CTBP1: variants seen among roughly 807,000 people sequenced by gnomAD.
CTBP1 encodes the protein C-terminal binding protein 1.
CTBP1 carries 11 observed loss-of-function variants against 42.1 expected under a neutral mutation model. That is an observed-to-expected ratio of 0.26 (90% CI 0.16 to 0.43). The LOEUF (loss-of-function observed/expected upper bound fraction) is 0.43. Ranked by LOEUF, CTBP1 falls within the 20% of genes least tolerant of loss-of-function variation. The pLI is 1.00. For synonymous variants in CTBP1, 324 were observed against 277.1 expected (o/e 1.17, Z -1.68); for missense variants, 399 against 624.3 (o/e 0.64, Z 3.85).
intron 3 of CTBP1, 56 bp from the exon 4 acceptor site, chr4:1,228,399 C>G: frequency 6.3e-7 from 1 of 1,578,360 alleles, no homozygotes; most frequent in Non-Finnish European, 8.6e-7. Flanking sequence ...TCGGGCTTGG[C>G]CTTCGGGGGT....
At chr4:1,217,350 G>T (rs1390946426) in intron 5 of CTBP1, 1 of 152,488 alleles carries the variant, frequency 6.6e-6, no homozygotes, top group Non-Finnish European at 1.5e-5. Context: ...CAGGGACGAG[G>T]CTGCTGCAGG....
intron 1 of CTBP1, 199 bp downstream of exon 1, chr4:1,248,717 C>G (rs111409520): frequency 1.0e-6 from 1 of 981,478 alleles, no homozygotes; most frequent in Non-Finnish European, 1.2e-6. Context: ...ACGCAGCGGC[C>G]CGCGCATGCG....
intron 1 of CTBP1, among the ~76,000 whole-genome samples, chr4:1,248,371 G>T (rs1428841572): frequency 1.3e-5 from 2 of 151,558 alleles, no homozygotes; most frequent in Admixed American, 6.6e-5. Flanking sequence ...CCCGGCACCC[G>T]CGCCCCGTCC....
chr4:1,216,654 G>A, intron 5 of CTBP1: 1 of 226,076 alleles, frequency 4.4e-6, no homozygotes, highest in South Asian at 6.3e-5. Flanking sequence ...AGACGGCAAA[G>A]GGGGCAGGAG....
intron 1 of CTBP1, chr4:1,244,398 G>C: frequency 1.0e-6 from 1 of 984,112 alleles, no homozygotes; most frequent in South Asian, 4.7e-5. Flanking sequence ...ACCAAGATGC[G>C]CCAGGACCAA....
chr4:1,223,075 ACCG>A (rs1469525612), intron 5 of CTBP1, among the ~76,000 whole-genome samples: 5 of 57,160 alleles, frequency 8.7e-5, no homozygotes, highest in African/African-American at 2.0e-4. Flanking sequence ...CAGCGGAGGC[ACCG>A]CCCCCTGGAC....
intron 1 of CTBP1, among the ~76,000 whole-genome samples, chr4:1,246,397 G>A (rs570757432): frequency 2.0e-5 from 3 of 152,292 alleles, no homozygotes; most frequent in Admixed American, 1.3e-4. Flanking sequence ...GGCCTGCACC[G>A]TCAGCACCAC....
intron 4 of CTBP1, among the ~76,000 whole-genome samples, chr4:1,227,806 C>T (rs60447753): frequency 0.011 from 1,745 of 152,310 alleles, 25 homozygotes; most frequent in African/African-American, 0.039. Flanking sequence ...TGAGTGCACA[C>T]GTACTGGGTT....
chr4:1,225,493 G>A lies in CTBP1; in HGVS notation c.381C>T (p.Asn127=), dbSNP rs889585115. 1.3e-6 allele frequency: 2 copies of A among 1,546,232 alleles called. No individual in the cohort carries two copies. Among genetic ancestry groups the A allele is most frequent in the Admixed American group, 3.9e-5 (2 of 51,056 alleles). ...TADSTLCHIL[N]LYRRATWLHQ... is the part of the protein sequence containing the mutation. The stretch of plus-strand genomic sequence containing the variant: ...GCAGCCAGGTGGCCCGCCGGTACAG[G>A]TTCAGGATGTGGCACAGCGTCGAGT... Residue 127 remains asparagine (N), a synonymous_variant, in exon 5 of 10, where the codon AAC becomes AAT. Coordinates refer to ENST00000382952, the MANE Select transcript of CTBP1 (RefSeq NM_001012614.2).
intron 1 of CTBP1, among the ~76,000 whole-genome samples, chr4:1,247,957 G>C (rs1225564361): frequency 6.6e-6 from 1 of 152,236 alleles, no homozygotes; most frequent in Non-Finnish European, 1.5e-5. Context: ...ACAGCAAAAG[G>C]GATCTGGCCC....
At position 1,238,104 on chromosome 4, in the gene CTBP1, C is replaced by A; in HGVS notation, c.162+79G>T. 1 of 1,588,650 alleles carries A rather than the reference C, an allele frequency of 6.3e-7. No individual in the cohort carries two copies. Among genetic ancestry groups the A allele is most frequent in the Non-Finnish European group, 8.6e-7 (1 of 1,161,278 alleles). ...CAGTGGCACCCAGACCTGCTGTGGC[C>A]CGGGCCTGCCGTGCTCCCGTCCCTC... On this transcript the variant is annotated intron_variant, in intron 3 of 9. Transcript: ENST00000382952. The surrounding 1 kb of genome is among the most constrained non-coding windows in gnomAD (Gnocchi z 5.9).
At chr4:1,227,630 T>C (rs1730511147) in intron 4 of CTBP1, among the ~76,000 whole-genome samples, 1 of 149,178 alleles carries the variant, frequency 6.7e-6, no homozygotes, top group African/African-American at 2.5e-5. Flanking sequence ...GTGTGCAAGA[T>C]CCGTGTGCTA....
intron 2 of CTBP1, among the ~76,000 whole-genome samples, chr4:1,240,036 G>A (rs953841054): frequency 6.6e-6 from 1 of 152,234 alleles, no homozygotes; most frequent in African/African-American, 2.4e-5. Context: ...ATAGACATCC[G>A]CTCTCAGTAT....
chr4:1,230,716 C>T (rs1229723369), intron 3 of CTBP1, among the ~76,000 whole-genome samples: 1 of 152,260 alleles, frequency 6.6e-6, no homozygotes, highest in African/African-American at 2.4e-5. Context: ...CGGCACGTCA[C>T]CTCCCGCACA....
chr4:1,212,231 C>T lies in CTBP1; in HGVS notation c.*9G>A. On this transcript the variant is annotated 3_prime_UTR_variant, in exon 10 of 10. Transcript: ENST00000382952. Reference sequence around the variant, plus strand: ...GCCCAGGCGCCGAGGCTGGAGAGCTCCTCCCGGGCTACAACTGGTCACTGG... The same window carrying T: ...GCCCAGGCGCCGAGGCTGGAGAGCTTCTCCCGGGCTACAACTGGTCACTGG... 1 of 1,456,010 alleles carries T rather than the reference C, an allele frequency of 6.9e-7. No individual in the cohort carries two copies. The allele number at this position is 1,456,010 out of a possible 1,614,324, so 90.2% of individuals were successfully genotyped here. A position where few individuals can be genotyped will look rare whatever the true frequency, so the allele number is the denominator to read the frequency against.
rs1398297381 is a variant in CTBP1, at chr4:1,212,713, G to A, written c.1106+200C>T. 22 of 626,948 alleles carry A rather than the reference G, an allele frequency of 3.5e-5. No individual in the cohort carries two copies. The East Asian group carries it at 6.0e-4, about 17-fold the overall frequency. The allele number at this position is 626,948 out of a possible 1,614,324, so 38.8% of individuals were successfully genotyped here. A position where few individuals can be genotyped will look rare whatever the true frequency, so the allele number is the denominator to read the frequency against. On this transcript the variant is annotated intron_variant, in intron 9 of 9. Transcript: ENST00000382952. The stretch of plus-strand genomic sequence containing the variant: ...GGCACTCCTGTGTCCACTGAGCCCT[G>A]AAGGCCACCCCAGCCCAGGCTCCTT...
At chr4:1,229,893 C>A (rs945278289) in intron 3 of CTBP1, among the ~76,000 whole-genome samples, 4 of 152,226 alleles carry the variant, frequency 2.6e-5, no homozygotes, top group Admixed American at 6.5e-5. Context: ...CAGACCAGGG[C>A]CACAGCAGAG....
At chr4:1,247,717 G>T (rs1188764552) in intron 1 of CTBP1, among the ~76,000 whole-genome samples, 5 of 151,212 alleles carry the variant, frequency 3.3e-5, no homozygotes, top group South Asian at 2.1e-4. Flanking sequence ...TCTTCCCGAG[G>T]GACGTGTGCT....
intron 1 of CTBP1, among the ~76,000 whole-genome samples, chr4:1,247,478 G>T (rs898069396): frequency 5.3e-5 from 8 of 152,172 alleles, no homozygotes; most frequent in Non-Finnish European, 8.8e-5. Context: ...GACCTGGGAG[G>T]CCGGGTGCTG....
Sources: allele counts gnomAD v4.1 joint callset (sites outside exome capture counted in the v4.1 genomes callset), GRCh38; gene constraint gnomAD v4.1.1; non-coding constraint Gnocchi (gnomAD v3.1); transcripts MANE v1.5; gene names NCBI Gene and HGNC (gene_info 2026-07-23, HGNC 2026-07-21).